Variants in ADCY2 observed in about 807,000 individuals in gnomAD.
ADCY2 encodes the protein adenylate cyclase type 2.
Under a neutral mutation model 125.2 loss-of-function variants are expected in ADCY2, and 31 were observed. The ratio of observed to expected loss-of-function variants is 0.25; its 90% confidence interval spans 0.19 to 0.33. The LOEUF (loss-of-function observed/expected upper bound fraction) is 0.33. ADCY2 is among the 10% of genes least tolerant of loss of function. The pLI is 1.00. For missense variants in ADCY2, 904 were observed against 1,418.2 expected (o/e 0.64, Z 5.82); for synonymous variants, 512 against 548.4 (o/e 0.93, Z 0.93).
chr5:7,619,796 C>A (rs1199002670), intron 3 of ADCY2, among the ~76,000 whole-genome samples: 1 of 152,108 alleles, frequency 6.6e-6, no homozygotes, highest in Non-Finnish European at 1.5e-5. Context: ...TCTATGGAGC[C>A]CTGAGTATTG....
intron 22 of ADCY2, 55 bp from the exon 23 acceptor site, chr5:7,816,811 C>A: frequency 1.4e-6 from 2 of 1,441,426 alleles, no homozygotes; most frequent in Non-Finnish European, 2.0e-6. Context: ...CAAAGGGGAA[C>A]AGTTTCCAGC....
intron 4 of ADCY2, among the ~76,000 whole-genome samples, chr5:7,628,464 G>GTC (rs1345249837): frequency 6.6e-6 from 1 of 152,146 alleles, no homozygotes; most frequent in Non-Finnish European, 1.5e-5. Context: ...GTGAGCTGAG[G>GTC]GTAAGAGGAG....
intron 3 of ADCY2, among the ~76,000 whole-genome samples, chr5:7,532,660 T>C (rs1217528099): frequency 6.6e-6 from 1 of 152,200 alleles, no homozygotes; most frequent in Non-Finnish European, 1.5e-5. Context: ...TTTTTGTTTT[T>C]GTTTTTTTAA....
chr5:7,428,548 T>C (rs1049109888), intron 2 of ADCY2, among the ~76,000 whole-genome samples: 1 of 152,216 alleles, frequency 6.6e-6, no homozygotes, highest in Admixed American at 6.5e-5. Context: ...TATGTGAAAT[T>C]GAATTATTTT....
chr5:7,803,607 G>A (rs1231793314), intron 21 of ADCY2, among the ~76,000 whole-genome samples: 3 of 152,164 alleles, frequency 2.0e-5, no homozygotes, highest in Non-Finnish European at 4.4e-5. Context: ...ACAAGAAATA[G>A]TAGGGCTCGG....
intron 15 of ADCY2, among the ~76,000 whole-genome samples, chr5:7,748,665 A>ATCC (rs976654521): frequency 4.6e-5 from 7 of 152,126 alleles, no homozygotes; most frequent in African/African-American, 1.7e-4. Context: ...AAGGCTTCCT[A>ATCC]TCCTTGGGTA....
intron 4 of ADCY2, among the ~76,000 whole-genome samples, chr5:7,679,245 G>A (rs1202013066): frequency 1.3e-5 from 2 of 152,222 alleles, no homozygotes; most frequent in South Asian, 2.1e-4. Flanking sequence ...TGGAAATGAC[G>A]TGATGGAACC....
intron 2 of ADCY2, among the ~76,000 whole-genome samples, chr5:7,496,778 T>C (rs1743360174): frequency 6.6e-6 from 1 of 152,124 alleles, no homozygotes. Flanking sequence ...TACTTTCCAA[T>C]ATATAAGGAA....
At chr5:7,627,343 T>C (rs552485542) in intron 4 of ADCY2, among the ~76,000 whole-genome samples, 8 of 152,072 alleles carry the variant, frequency 5.3e-5, no homozygotes, top group Non-Finnish European at 1.0e-4. Flanking sequence ...GACCAAGATA[T>C]CACCAAGGAT....
intron 3 of ADCY2, among the ~76,000 whole-genome samples, chr5:7,521,863 A>G (rs1744458214): frequency 6.6e-6 from 1 of 152,194 alleles, no homozygotes; most frequent in Non-Finnish European, 1.5e-5. Context: ...CACATTCATT[A>G]AGAGTAGCCA....
At chr5:7,676,530 T>C (rs1227382479) in intron 4 of ADCY2, among the ~76,000 whole-genome samples, 1 of 152,166 alleles carries the variant, frequency 6.6e-6, no homozygotes, top group Admixed American at 6.5e-5. Flanking sequence ...AAAAAAATAC[T>C]TTCTGAGATA....
chr5:7,646,851 C>G lies in ADCY2; in HGVS notation c.720+20535C>G, dbSNP rs149849910. Among the ~76,000 whole-genome samples, 541 of 152,198 alleles carry G rather than the reference C, an allele frequency of 3.6e-3. 4 individuals carry two copies. The highest frequency in any genetic ancestry group is 0.013 in the African/African-American group (524 of 41,518). ...AGCAAGGCATAGGGTGGAGAATTAC[C>G]GGGTTTTCGAGAAAAGCTTGAGCAA... On this transcript the variant is annotated intron_variant, in intron 4 of 24. Coordinates refer to ENST00000338316, the MANE Select transcript of ADCY2 (RefSeq NM_020546.3).
intron 3 of ADCY2, among the ~76,000 whole-genome samples, chr5:7,568,549 C>T (rs891189082): frequency 6.6e-6 from 1 of 151,880 alleles, no homozygotes; most frequent in Non-Finnish European, 1.5e-5. Context: ...GGAGTGAAAA[C>T]AGAGTCCAAG....
chr5:7,817,075 G>A, intron 23 of ADCY2, 95 bp downstream of exon 23: 1 of 921,616 alleles, frequency 1.1e-6, no homozygotes, highest in South Asian at 1.5e-5. Flanking sequence ...CAGTGTTGGA[G>A]TAGAACAATT....
intron 22 of ADCY2, among the ~76,000 whole-genome samples, chr5:7,809,000 CT>C: frequency 6.6e-6 from 1 of 152,246 alleles, no homozygotes; most frequent in Admixed American, 6.5e-5. Context: ...TTCTGCACTT[CT>C]GTTACCTTAC....
chr5:7,819,424 C>T (rs773753894), intron 23 of ADCY2, among the ~76,000 whole-genome samples: 1 of 152,222 alleles, frequency 6.6e-6, no homozygotes, highest in Non-Finnish European at 1.5e-5. Flanking sequence ...TATGTGCTAC[C>T]TCCAACGTGC....
chr5:7,485,213 C>G (rs1304257739), intron 2 of ADCY2, among the ~76,000 whole-genome samples: 1 of 152,094 alleles, frequency 6.6e-6, no homozygotes, highest in Non-Finnish European at 1.5e-5. Flanking sequence ...ACATTTAAAA[C>G]TTTTATAAGT....
intron 4 of ADCY2, among the ~76,000 whole-genome samples, chr5:7,627,166 T>G (rs1738162265): frequency 6.6e-6 from 1 of 151,896 alleles, no homozygotes; most frequent in Non-Finnish European, 1.5e-5. Context: ...AATGTTGGAG[T>G]CTTCCTCAGG....
At chr5:7,646,698 C>T (rs977720233) in intron 4 of ADCY2, among the ~76,000 whole-genome samples, 3 of 152,196 alleles carry the variant, frequency 2.0e-5, no homozygotes, top group African/African-American at 7.2e-5. Context: ...CCCTGAAGCA[C>T]ATCGTACAGC....
Sources: allele counts gnomAD v4.1 joint callset (sites outside exome capture counted in the v4.1 genomes callset), GRCh38; gene constraint gnomAD v4.1.1; transcripts MANE v1.5; gene names NCBI Gene and HGNC (gene_info 2026-07-23, HGNC 2026-07-21).